The following NARS2 variants were observed in gnomAD, a reference collection of about 807,000 sequenced individuals.
The protein encoded by NARS2 is asparaginyl-tRNA synthetase.
A neutral mutation model predicts 62.9 loss-of-function variants in NARS2; 60 were observed. The ratio of observed to expected loss-of-function variants is 0.95; its 90% CI spans 0.77 to 1.18. The LOEUF (loss-of-function observed/expected upper bound fraction) is 1.18, where lower values mean the gene tolerates loss of function less well. Ranked by LOEUF, NARS2 falls within the 50% of genes most tolerant of loss-of-function variation. The probability of loss-of-function intolerance (pLI) is 0.00; values close to 1 mark genes in which losing one functional copy is unlikely to be tolerated. For synonymous variants in NARS2, 196 were observed against 200.0 expected, an observed-to-expected ratio of 0.98 and a Z score of 0.17; for missense variants, 619 against 576.4, an observed-to-expected ratio of 1.07 and a Z score of -0.76.
chr11:78,558,692 A>G (rs1355928717), intron 5 of NARS2: 1 of 152,232 alleles, frequency 6.6e-6, no homozygotes, highest in Admixed American at 6.5e-5. Context: ...CAGTAAGGGC[A>G]GGCTGACAAT....
intron 5 of NARS2, among the ~76,000 whole-genome samples, chr11:78,531,307 G>T (rs1018346230): frequency 2.0e-5 from 3 of 152,068 alleles, no homozygotes; most frequent in African/African-American, 7.2e-5. Flanking sequence ...CCATTCTCCA[G>T]AGTAGACCAT....
chr11:78,568,804 T>C (rs1489615816), intron 2 of NARS2, 52 bp from the exon 3 acceptor site: 3 of 1,393,880 alleles, frequency 2.2e-6, no homozygotes, highest in Non-Finnish European at 3.0e-6. Flanking sequence ...ACAACCTTCA[T>C]TTTAATATCA....
chr11:78,544,995 C>A (rs1855800541), intron 5 of NARS2, among the ~76,000 whole-genome samples: 1 of 151,836 alleles, frequency 6.6e-6, no homozygotes, highest in Non-Finnish European at 1.5e-5. Context: ...ATGTGAGTCA[C>A]CAATATAACA....
intron 5 of NARS2, among the ~76,000 whole-genome samples, chr11:78,546,228 A>G (rs1855868822): frequency 6.6e-6 from 1 of 152,236 alleles, no homozygotes; most frequent in South Asian, 2.1e-4. Flanking sequence ...GTAGCCAGGT[A>G]TCTCTGTCTT....
At chr11:78,478,762 C>CATT in intron 7 of NARS2, 79 bp from the exon 8 acceptor site, 1 of 735,828 alleles carries the variant, frequency 1.4e-6, no homozygotes, top group East Asian at 2.9e-5. Flanking sequence ...ATAAGGACCG[C>CATT]ATTCCAGGCT....
intron 13 of NARS2, among the ~76,000 whole-genome samples, chr11:78,439,658 A>G (rs917326348): frequency 1.8e-4 from 28 of 152,160 alleles, no homozygotes; most frequent in Non-Finnish European, 7.3e-5. Flanking sequence ...AGGCATTCAA[A>G]GGCCATCACC....
chr11:78,555,175 A>G (rs1399045845), intron 5 of NARS2: 1 of 152,152 alleles, frequency 6.6e-6, no homozygotes, highest in Non-Finnish European at 1.5e-5. Flanking sequence ...CATCAAGGTT[A>G]CTAGCTTGAT....
At chr11:78,487,110 CTT>C (rs1367099581) in intron 7 of NARS2, among the ~76,000 whole-genome samples, 3 of 151,976 alleles carry the variant, frequency 2.0e-5, no homozygotes, top group Admixed American at 1.3e-4. Flanking sequence ...AATCCCAGCA[CTT>C]TGGGAGTCTG....
intron 6 of NARS2, among the ~76,000 whole-genome samples, chr11:78,504,466 G>T: frequency 6.8e-6 from 1 of 146,260 alleles, no homozygotes; most frequent in African/African-American, 2.5e-5. Context: ...TCTGTGTAGG[G>T]TATATGTGGG....
Position 78,465,867 on chromosome 11 carries a change from T to C in NARS2, c.1164+9A>G, listed in dbSNP as rs1309423802. The C allele has an allele frequency of 6.2e-7, 1 of 1,613,942 alleles. No homozygotes were observed. Among genetic ancestry groups the C allele is most frequent in the Non-Finnish European group, 8.5e-7 (1 of 1,179,970 alleles). ...GACTAACCCCAATTTATTTAGTATC[T>C]CTTCTTACCGTGTGCTGAGGGCCAT... is the stretch of plus-strand genomic sequence containing the variant. On this transcript the variant is annotated intron_variant, in intron 11 of 13. Transcript: ENST00000281038.
intron 5 of NARS2, among the ~76,000 whole-genome samples, chr11:78,536,968 T>C (rs2135449142): frequency 6.6e-6 from 1 of 152,368 alleles, no homozygotes; most frequent in East Asian, 1.9e-4. Flanking sequence ...GATATACAAA[T>C]ACTTGCCATT....
At chr11:78,495,965 A>T (rs919408217) in intron 6 of NARS2, among the ~76,000 whole-genome samples, 29 of 152,192 alleles carry the variant, frequency 1.9e-4, no homozygotes, top group Non-Finnish European at 7.3e-5. Flanking sequence ...GTGGTTAATG[A>T]TTTTCCCTGG....
At chr11:78,541,874 A>G (rs538642550) in intron 5 of NARS2, among the ~76,000 whole-genome samples, 1 of 152,296 alleles carries the variant, frequency 6.6e-6, no homozygotes, top group African/African-American at 2.4e-5. Context: ...ACTGCATCTC[A>G]TACGTAAAAA....
chr11:78,496,404 T>C (rs777524499), intron 6 of NARS2, among the ~76,000 whole-genome samples: 2 of 152,186 alleles, frequency 1.3e-5, no homozygotes, highest in Non-Finnish European at 2.9e-5. Context: ...AGTCTACGTA[T>C]GTATTAATAC....
At chr11:78,514,308 G>C (rs907582745) in intron 6 of NARS2, among the ~76,000 whole-genome samples, 5 of 152,126 alleles carry the variant, frequency 3.3e-5, no homozygotes, top group African/African-American at 9.7e-5. Flanking sequence ...TTTTTGCAGA[G>C]ATGGGGTTTT....
intron 11 of NARS2, among the ~76,000 whole-genome samples, chr11:78,454,609 T>G (rs1858088645): frequency 6.6e-6 from 1 of 151,550 alleles, no homozygotes; most frequent in Admixed American, 6.6e-5. Context: ...TTTTATAAAT[T>G]ACCAAGTCTC....
intron 6 of NARS2, among the ~76,000 whole-genome samples, chr11:78,497,802 C>T (rs1309162987): frequency 6.6e-6 from 1 of 152,154 alleles, no homozygotes; most frequent in Non-Finnish European, 1.5e-5. Flanking sequence ...AAAAGAGATG[C>T]AGCCTTCACC....
chr11:78,521,165 TC>T (rs1301333280), intron 6 of NARS2, among the ~76,000 whole-genome samples: 1 of 149,878 alleles, frequency 6.7e-6, no homozygotes. Flanking sequence ...TCTCTCTCTT[TC>T]TTTTTTTTTT....
intron 12 of NARS2, 78 bp downstream of exon 12, chr11:78,443,583 C>CT: frequency 1.0e-6 from 1 of 981,644 alleles, no homozygotes; most frequent in Admixed American, 2.0e-5. Flanking sequence ...GGTCTTCACT[C>CT]TGTTACTATG....
Sources: allele counts gnomAD v4.1 joint callset (sites outside exome capture counted in the v4.1 genomes callset), GRCh38; gene constraint gnomAD v4.1.1; transcripts MANE v1.5; gene names NCBI Gene and HGNC (gene_info 2026-07-23, HGNC 2026-07-21).